ASB4: variants seen among roughly 807,000 people sequenced by gnomAD.
ASB4 encodes ankyrin repeat and SOCS box protein 4.
Under a neutral mutation model 38.6 loss-of-function variants are expected in ASB4, and 35 were observed. The observed-to-expected ratio is 0.91, with a 90% CI of 0.69 to 1.20. The LOEUF is 1.20. Ranked by LOEUF, ASB4 falls within the 50% of genes most tolerant of loss-of-function variation. The pLI is 0.00. For synonymous variants in ASB4, 195 were observed against 201.3 expected (o/e 0.97, Z 0.26); for missense variants, 557 against 527.2 (o/e 1.06, Z -0.55).
upstream of ASB4, chr7:95,485,872 T>A: frequency 9.8e-7 from 1 of 1,023,406 alleles, no homozygotes; most frequent in Non-Finnish European, 1.4e-6. Flanking sequence ...AACTTTGGGA[T>A]AAAATTAGCC....
upstream of ASB4, among the ~76,000 whole-genome samples, chr7:95,477,130 GC>G: frequency 1.3e-5 from 2 of 151,660 alleles, no homozygotes; most frequent in Non-Finnish European, 2.9e-5. Context: ...CCAGGATACT[GC>G]AGCTGTTCTT....
intron 1 of ASB4, among the ~76,000 whole-genome samples, chr7:95,487,273 T>C (rs1790104362): frequency 6.6e-6 from 1 of 152,328 alleles, no homozygotes; most frequent in South Asian, 2.1e-4. Context: ...GGCATTAATA[T>C]TTTGATGGGA....
intron 2 of ASB4, among the ~76,000 whole-genome samples, chr7:95,517,389 T>C (rs938605154): frequency 1.3e-5 from 2 of 152,160 alleles, no homozygotes; most frequent in Non-Finnish European, 2.9e-5. Context: ...ATATATATGA[T>C]GATAGAATTT....
At chr7:95,534,877 T>A (rs1790866959) in intron 3 of ASB4, among the ~76,000 whole-genome samples, 1 of 152,176 alleles carries the variant, frequency 6.6e-6, no homozygotes, top group African/African-American at 2.4e-5. Flanking sequence ...TATCATCCCT[T>A]CTCGTTAAGA....
chr7:95,480,553 G>A (rs544807003), intron 1 of ASB4, among the ~76,000 whole-genome samples: 1 of 152,252 alleles, frequency 6.6e-6, no homozygotes, highest in Non-Finnish European at 1.5e-5. Flanking sequence ...TTTCATTCTG[G>A]GAGAAATCAG....
At chr7:95,511,451 G>T (rs924100280) in intron 2 of ASB4, among the ~76,000 whole-genome samples, 6 of 152,042 alleles carry the variant, frequency 3.9e-5, no homozygotes, top group African/African-American at 1.4e-4. Context: ...TGCACTTCTC[G>T]CAAGCATAGT....
chr7:95,491,084 C>A (rs1338901024), intron 1 of ASB4, among the ~76,000 whole-genome samples: 1 of 152,180 alleles, frequency 6.6e-6, no homozygotes, highest in Non-Finnish European at 1.5e-5. Context: ...AAAATGGAAG[C>A]TTTGACAAGA....
chr7:95,501,027 A>G (rs1001729530), intron 2 of ASB4, among the ~76,000 whole-genome samples: 7 of 152,154 alleles, frequency 4.6e-5, no homozygotes, highest in African/African-American at 1.4e-4. Context: ...TTTTATCTTT[A>G]TTGATTTTTA....
intron 1 of ASB4, among the ~76,000 whole-genome samples, chr7:95,487,894 C>A (rs1044642662): frequency 1.3e-5 from 2 of 152,124 alleles, no homozygotes; most frequent in African/African-American, 2.4e-5. Flanking sequence ...TGTGGTCTTA[C>A]TTTTAGGGTT....
chr7:95,544,062 T>G (rs1791003607), downstream of ASB4: 1 of 152,126 alleles, frequency 6.6e-6, no homozygotes, highest in East Asian at 1.9e-4. Flanking sequence ...ATGATACTAA[T>G]TAACCCTCCC....
At chr7:95,488,804 C>G (rs61530781) in intron 1 of ASB4, among the ~76,000 whole-genome samples, 39,719 of 152,086 alleles carry the variant, frequency 0.26, 5,320 homozygotes, top group East Asian at 0.36. Context: ...TAACCAGCAT[C>G]CAGATGAGGA....
chr7:95,476,717 T>C (rs1455913219), upstream of ASB4, among the ~76,000 whole-genome samples: 1 of 152,150 alleles, frequency 6.6e-6, no homozygotes, highest in African/African-American at 2.4e-5. Context: ...AGGAGAAAAA[T>C]TGTGAGCATG....
rs1347123099 is a variant in ASB4, at chr7:95,528,059, T to A, written c.734T>A (p.Val245Asp). The change falls in exon 3 of 5, where the codon GTC (valine) becomes GAC (aspartate). Residue 245 changes from valine to aspartate, a missense_variant. Transcript: ENST00000325885. Reference sequence around the variant, plus strand: ...ATGCTGCTTGACTACAAAGCCGAAGTCAATGCCCGAGATGACGACTTTAAA... The same window carrying A: ...ATGCTGCTTGACTACAAAGCCGAAGACAATGCCCGAGATGACGACTTTAAA... ...CRMLLDYKAE[V>D]NARDDDFKSP... 1 of 1,614,056 alleles carries A rather than the reference T, an allele frequency of 6.2e-7. No homozygotes were observed. Among genetic ancestry groups the A allele is most frequent in the African/African-American group, 1.3e-5 (1 of 75,012 alleles).
At chr7:95,485,404 C>T (rs1790074569), upstream of ASB4, among the ~76,000 whole-genome samples, 1 of 152,086 alleles carries the variant, frequency 6.6e-6, no homozygotes. Context: ...CCCAGCTTTT[C>T]ATATTAAAAT....
chr7:95,548,084 G>A, the ASB4 span, among the ~76,000 whole-genome samples: 11 of 152,106 alleles, frequency 7.2e-5, no homozygotes, highest in Non-Finnish European at 1.5e-4. Context: ...TTTCCCTTGG[G>A]CAAATATCTA....
chr7:95,474,091 C>A (rs1256613880), upstream of ASB4: 2 of 152,088 alleles, frequency 1.3e-5, no homozygotes, highest in Non-Finnish European at 2.9e-5. Flanking sequence ...TGGGGCGCAC[C>A]CTTACTTGAT....
rs1305734939 is a variant in ASB4, at chr7:95,527,944, C to A, written c.619C>A (p.His207Asn). ...HGAIVDSVNA[H>N]METPLAIAAY... ...GGCCATAGTGGACAGCGTGAATGCC[C>A]ACATGGAGACCCCCCTGGCCATCGC... The change falls in exon 3 of 5, where the codon CAC (histidine) becomes AAC (asparagine). Residue 207 changes from histidine to asparagine, a missense_variant. By Grantham distance (68) the His-to-Asn change is moderately conservative. Coordinates refer to ENST00000325885, the MANE Select transcript of ASB4 (RefSeq NM_016116.3). The A allele has an allele frequency of 6.2e-7, 1 of 1,614,164 alleles. No individual in the cohort carries two copies. The highest frequency in any genetic ancestry group is 8.5e-7 in the Non-Finnish European group (1 of 1,180,036).
intron 1 of ASB4, among the ~76,000 whole-genome samples, chr7:95,492,583 C>T (rs1158640401): frequency 2.6e-5 from 4 of 152,190 alleles, no homozygotes; most frequent in East Asian, 3.9e-4. Flanking sequence ...TTCCCTCCAG[C>T]GCTAACATTC....
intron 1 of ASB4, among the ~76,000 whole-genome samples, chr7:95,494,933 G>A (rs1013545507): frequency 2.6e-5 from 4 of 152,190 alleles, no homozygotes; most frequent in African/African-American, 9.7e-5. Context: ...AATCATTTAT[G>A]TATGGCTTGT....
Sources: gnomAD v4.1 joint callset for allele counts (sites outside exome capture counted in the v4.1 genomes callset) on GRCh38, gnomAD v4.1.1 for gene constraint, MANE v1.5 for transcripts, NCBI Gene and HGNC (gene_info 2026-07-23, HGNC 2026-07-21) for gene names.